The following GALK2 variants were observed in gnomAD, a reference collection of about 807,000 sequenced individuals.
The protein encoded by GALK2 is N-acetylgalactosamine kinase.
A neutral mutation model predicts 52.4 loss-of-function variants in GALK2; 36 were observed. The observed-to-expected ratio is 0.69, with a 90% confidence interval of 0.53 to 0.91. GALK2 has a LOEUF of 0.91. Ranked by LOEUF, GALK2 falls within the 40% of genes least tolerant of loss-of-function variation. The pLI is 0.00. For missense variants in GALK2, 579 were observed against 559.1 expected (o/e 1.04, Z -0.36); for synonymous variants, 176 against 199.1 (o/e 0.88, Z 0.98).
intron 5 of GALK2, among the ~76,000 whole-genome samples, chr15:49,272,413 G>A (rs1370459685): frequency 6.6e-6 from 1 of 152,126 alleles, no homozygotes; most frequent in Non-Finnish European, 1.5e-5. Context: ...TTAAAGAGCT[G>A]TTTCAGATTT....
chr15:49,277,802 C>T (rs188295260), intron 5 of GALK2, among the ~76,000 whole-genome samples: 58 of 151,664 alleles, frequency 3.8e-4, no homozygotes, highest in Admixed American at 2.0e-4. Context: ...CTCAAACAAA[C>T]GAACAAACAA....
chr15:49,348,582 C>G (rs1296617757), intron 3 of GALK2, among the ~76,000 whole-genome samples: 1 of 152,138 alleles, frequency 6.6e-6, no homozygotes, highest in East Asian at 1.9e-4. Flanking sequence ...GAGCCAGAGG[C>G]TGGAAGTGAT....
rs576866712 is a variant in GALK2, at chr15:49,266,964, G to C, written c.505-15023G>C. Among the ~76,000 whole-genome samples, 4 of 152,274 alleles carry C rather than the reference G, an allele frequency of 2.6e-5. No individual in the cohort carries two copies. In the East Asian group the frequency reaches 7.7e-4, roughly 29 times the overall value. On this transcript the variant is annotated intron_variant, in intron 5 of 9. Coordinates refer to ENST00000560031, the MANE Select transcript of GALK2 (RefSeq NM_002044.4). ...TACTGTATTAATTTCAGGGGATTGA[G>C]AGTAGTGGCTGGGACCTGGGAGGAA...
chr15:49,324,796 A>G (rs948279301), intron 9 of GALK2, among the ~76,000 whole-genome samples: 6 of 152,136 alleles, frequency 3.9e-5, no homozygotes, highest in Non-Finnish European at 7.3e-5. Flanking sequence ...TTTAAGGGAA[A>G]TATCGTAGTC....
intron 1 of GALK2, among the ~76,000 whole-genome samples, chr15:49,187,663 C>T (rs1274311166): frequency 6.6e-6 from 1 of 152,098 alleles, no homozygotes; most frequent in Non-Finnish European, 1.5e-5. Context: ...CCCACTCTTC[C>T]CTCCTCTTTT....
intron 2 of GALK2, among the ~76,000 whole-genome samples, chr15:49,210,721 G>A (rs369981504): frequency 1.2e-4 from 19 of 152,120 alleles, no homozygotes; most frequent in African/African-American, 4.1e-4. Flanking sequence ...GATTACAGGC[G>A]TGAGTCGCCG....
intron 5 of GALK2, among the ~76,000 whole-genome samples, chr15:49,257,991 A>G (rs894146622): frequency 7.3e-5 from 11 of 150,904 alleles, no homozygotes; most frequent in Admixed American, 6.6e-5. Flanking sequence ...TTAGAAATTA[A>G]AGAAAATTAT....
chr15:49,312,718 G>A (rs928614367), intron 8 of GALK2, among the ~76,000 whole-genome samples: 2 of 152,140 alleles, frequency 1.3e-5, no homozygotes, highest in Non-Finnish European at 1.5e-5. Flanking sequence ...GTACATAGTG[G>A]ACCCTCAACA....
chr15:49,232,039 G>T (rs1456628247), intron 3 of GALK2, among the ~76,000 whole-genome samples: 1 of 152,234 alleles, frequency 6.6e-6, no homozygotes, highest in African/African-American at 2.4e-5. Flanking sequence ...CTGTGTGAGG[G>T]ATTCAACCCC....
chr15:49,302,441 C>G (rs1389017981), intron 8 of GALK2, among the ~76,000 whole-genome samples: 1 of 152,010 alleles, frequency 6.6e-6, no homozygotes, highest in Non-Finnish European at 1.5e-5. Flanking sequence ...CTGTTGTGTT[C>G]TAGAAGAGCC....
intron 1 of GALK2, among the ~76,000 whole-genome samples, chr15:49,183,476 C>G (rs984750604): frequency 1.3e-5 from 2 of 152,304 alleles, no homozygotes; most frequent in African/African-American, 4.8e-5. Flanking sequence ...TAAAGTTCCT[C>G]TTATTGATTT....
At chr15:49,317,950 C>T (rs1414879496) in intron 8 of GALK2, among the ~76,000 whole-genome samples, 1 of 151,930 alleles carries the variant, frequency 6.6e-6, no homozygotes, top group East Asian at 1.9e-4. Context: ...AGGAGAAATA[C>T]CTAATAGAGA....
intron 3 of GALK2, among the ~76,000 whole-genome samples, chr15:49,362,032 C>T (rs2044330635): frequency 1.3e-5 from 2 of 152,092 alleles, no homozygotes; most frequent in Admixed American, 6.6e-5. Context: ...TTGTGGGTTA[C>T]GTGTATGTCT....
Position 49,319,729 on chromosome 15 carries a change from A to G in GALK2, c.1093A>G (p.Asn365Asp). ...NMVQLLGELM[N>D]QSHMSCRDMY... ...GGTCCAGCTGCTGGGAGAGTTGATG[A>G]ACCAGAGCCACATGAGCTGCCGGGA... Residue 365 changes from asparagine (N) to aspartate (D), a missense_variant, in exon 9 of 10, where the codon AAC becomes GAC. Coordinates refer to ENST00000560031, the MANE Select transcript of GALK2 (RefSeq NM_002044.4). 1 of 1,614,186 alleles carries G rather than the reference A, an allele frequency of 6.2e-7. No homozygotes were observed. The highest frequency in any genetic ancestry group is 1.1e-5 in the South Asian group (1 of 91,070).
intron 5 of GALK2, among the ~76,000 whole-genome samples, chr15:49,274,247 C>T (rs144707030): frequency 6.6e-4 from 100 of 152,294 alleles, no homozygotes; most frequent in African/African-American, 2.4e-3. Context: ...TAGCCTACTA[C>T]ACACCTAGTC....
At chr15:49,215,519 C>CT (rs1002392055) in intron 2 of GALK2, among the ~76,000 whole-genome samples, 1 of 152,142 alleles carries the variant, frequency 6.6e-6, no homozygotes, top group African/African-American at 2.4e-5. Context: ...TTGAGAGACT[C>CT]TGAGACATTT....
chr15:49,316,288 G>A (rs1253735981), intron 8 of GALK2, among the ~76,000 whole-genome samples: 2 of 152,164 alleles, frequency 1.3e-5, no homozygotes, highest in Non-Finnish European at 2.9e-5. Context: ...TAATGATATA[G>A]TGGTTATCTA....
intron 3 of GALK2, among the ~76,000 whole-genome samples, chr15:49,356,344 A>C (rs1022443544): frequency 6.6e-6 from 1 of 150,490 alleles, no homozygotes; most frequent in Non-Finnish European, 1.5e-5. Context: ...AACCCATCTC[A>C]TGTGCAGAGA....
chr15:49,295,443 A>T (rs543419909), intron 8 of GALK2, among the ~76,000 whole-genome samples: 21 of 152,224 alleles, frequency 1.4e-4, no homozygotes, highest in African/African-American at 5.1e-4. Context: ...GATCCAAATG[A>T]TATAATAATT....
Sources: allele counts gnomAD v4.1 joint callset (sites outside exome capture counted in the v4.1 genomes callset), GRCh38; gene constraint gnomAD v4.1.1; transcripts MANE v1.5; gene names NCBI Gene and HGNC (gene_info 2026-07-23, HGNC 2026-07-21).